The following OR51I2 variants were observed in gnomAD, a reference collection of about 807,000 sequenced individuals.
OR51I2 encodes the protein olfactory receptor family 51 subfamily I member 2, also known as olfactory receptor 51I2.
In OR51I2, 6 loss-of-function variants were observed where a neutral mutation model predicts 9.3. That is an observed-to-expected ratio of 0.64 (90% CI 0.35 to 1.27). The LOEUF is 1.27. Among genes scored for constraint, OR51I2 ranks in the 50% most tolerant of loss-of-function variants. OR51I2 has a pLI of 0.03. For missense variants in OR51I2, 489 were observed against 396.4 expected (o/e 1.23, Z -1.98); for synonymous variants, 179 against 143.1 (o/e 1.25, Z -1.79).
At position 5,455,140 on chromosome 11, in the gene OR51I2, T is replaced by C. The variant is rs1850930985; in HGVS notation, c.*713T>C. On this transcript the variant is annotated 3_prime_UTR_variant, in exon 2 of 2. Coordinates refer to ENST00000641930, the MANE Select transcript of OR51I2 (RefSeq NM_001004754.3). ...ATTTAGGAAAATCTCCAGATTCTTC[T>C]TTACTTCTTTTATCTGCCCACCACT... 2 of 152,200 alleles carry C rather than the reference T, an allele frequency of 1.3e-5. No individual in the cohort carries two copies. The allele number at this position is 152,200 out of a possible 1,614,324, so 9.4% of individuals were successfully genotyped here.
intron 1 of OR51I2, among the ~76,000 whole-genome samples, chr11:5,452,083 T>A (rs1850861263): frequency 6.6e-6 from 1 of 152,198 alleles, no homozygotes; most frequent in East Asian, 1.9e-4. Context: ...TCCCCAAGCA[T>A]GTAGATAGAA....
intron 1 of OR51I2, among the ~76,000 whole-genome samples, 198 bp downstream of exon 1, chr11:5,449,562 A>C (rs541698544): frequency 5.1e-4 from 78 of 152,334 alleles, no homozygotes; most frequent in Non-Finnish European, 9.0e-4. Context: ...TGGCACTGCC[A>C]TGTACTGATT....
intron 1 of OR51I2, among the ~76,000 whole-genome samples, 178 bp from the exon 2 acceptor site, chr11:5,453,081 C>T (rs1326934505): frequency 6.6e-6 from 1 of 152,170 alleles, no homozygotes; most frequent in African/African-American, 2.4e-5. Flanking sequence ...CCAAGTGCTA[C>T]TGATAACACA....
rs540609696 is a variant in OR51I2, at chr11:5,449,951, C to T, written c.-231+587C>T. Among the ~76,000 whole-genome samples, 10 of 152,324 alleles carry T rather than the reference C, an allele frequency of 6.6e-5. No individual in the cohort carries two copies. The South Asian group carries it at 2.1e-3, about 32-fold the overall frequency. ...AAACTGTGGTCTTTAGACAGCCTTTCTGTACATTCCTCCAGCCTCTACCTT... is the reference window on the plus strand; with the variant it reads ...AAACTGTGGTCTTTAGACAGCCTTTTTGTACATTCCTCCAGCCTCTACCTT... On this transcript the variant is annotated intron_variant, in intron 1 of 1. Coordinates refer to ENST00000641930, the MANE Select transcript of OR51I2 (RefSeq NM_001004754.3).
rs1850911759 is a variant in OR51I2 at position 5,454,168 on chromosome 11, C to A, written c.680C>A (p.Ala227Asp). 6.2e-7 allele frequency: 1 copy of A among 1,613,624 alleles called. No individual in the cohort carries two copies. The highest frequency in any genetic ancestry group is 1.7e-5 in the Admixed American group (1 of 59,916). The stretch of plus-strand genomic sequence containing the variant: ...GTGCTCATTCTGCGTTCTGTCATGG[C>A]CACTGCTTCCCGTGAGGAACGCCTC... ...SYVLILRSVM[A>D]TASREERLKA... The change falls in exon 2 of 2, where the codon GCC (alanine) becomes GAC (aspartate). Residue 227 changes from alanine (A) to aspartate (D), a missense_variant. Ala to Asp is a moderately radical substitution (Grantham distance 126). Transcript: ENST00000641930.
In OR51I2 at chr11:5,451,837, A is replaced by C. The variant is rs145054201; in HGVS notation, c.-230-1422A>C. 4.7e-3 allele frequency among the ~76,000 whole-genome samples: 719 copies of C among 152,304 alleles called. 7 individuals are homozygous for C. The highest frequency in any genetic ancestry group is 0.016 in the African/African-American group (685 of 41,574). On this transcript the variant is annotated intron_variant, in intron 1 of 1. Transcript: ENST00000641930. ...TTCTCTAAAATGAGGGTGACCTATTAGCTTGAAATGTCTGCTTAGTGAAAA... is the reference window on the plus strand; with the variant it reads ...TTCTCTAAAATGAGGGTGACCTATTCGCTTGAAATGTCTGCTTAGTGAAAA...
Position 5,453,375 on chromosome 11 carries a change from A to T in OR51I2, c.-114A>T. ...AATGCGTCAGTTTCCATTTATGTCA[A>T]CATCATCGCTTTGTCTCTTATCTCC... On this transcript the variant is annotated 5_prime_UTR_variant, in exon 2 of 2. Coordinates refer to ENST00000641930, the MANE Select transcript of OR51I2 (RefSeq NM_001004754.3). The T allele has an allele frequency of 1.5e-6, 1 of 672,096 alleles. No individual in the cohort carries two copies. The highest frequency in any genetic ancestry group is 3.3e-4 in the Middle Eastern group (1 of 3,022). 41.6% of individuals were successfully genotyped at this position (672,096 alleles called of 1,614,324 possible).
chr11:5,453,636 C>T lies in OR51I2; in HGVS notation c.148C>T (p.Arg50Ter), dbSNP rs145725236. The T allele has an allele frequency of 2.4e-5, 38 of 1,613,490 alleles. No individual in the cohort carries two copies. The East Asian group carries it at 4.9e-4, about 21-fold the overall frequency. ...GGNTVILQAV[R>*]VEPSLHEPMY... The stretch of plus-strand genomic sequence containing the variant: ...AAATACAGTGATCCTGCAGGCTGTG[C>T]GAGTGGAGCCCAGCCTCCATGAGCC... The change falls in exon 2 of 2, where the codon CGA becomes TGA. Residue 50 changes from arginine to a stop codon, truncating the protein, a stop_gained. Coordinates refer to ENST00000641930, the MANE Select transcript of OR51I2 (RefSeq NM_001004754.3). LOFTEE classifies it low-confidence loss of function (END_TRUNC).
In OR51I2 at chr11:5,455,828, T is replaced by A. The variant is rs1188212658; in HGVS notation, c.*1401T>A. 6.6e-6 allele frequency: 1 copy of A among 152,144 alleles called. No individual in the cohort carries two copies. The highest frequency in any genetic ancestry group is 1.5e-5 in the Non-Finnish European group (1 of 68,030). 9.4% of individuals were successfully genotyped at this position (152,144 alleles called of 1,614,324 possible). ...TTGGGATTCAGATTTTTTTCAAAAA[T>A]GTCTACAGGTACAATAAGACACCAA... is the stretch of plus-strand genomic sequence containing the variant. On this transcript the variant is annotated 3_prime_UTR_variant, in exon 2 of 2. Transcript: ENST00000641930.
chr11:5,451,835 T>C (rs748379247), intron 1 of OR51I2, among the ~76,000 whole-genome samples: 9 of 152,192 alleles, frequency 5.9e-5, no homozygotes, highest in Non-Finnish European at 1.2e-4. Context: ...GGGTGACCTA[T>C]TAGCTTGAAA....
intron 1 of OR51I2, among the ~76,000 whole-genome samples, chr11:5,449,600 C>T (rs1307559287): frequency 6.6e-6 from 1 of 152,130 alleles, no homozygotes; most frequent in Non-Finnish European, 1.5e-5. Flanking sequence ...TCATTGAGTC[C>T]TTACTTGCCA....
Position 5,453,303 on chromosome 11 carries a change from G to A in OR51I2, c.-186G>A, listed in dbSNP as rs943465660. On this transcript the variant is annotated 5_prime_UTR_variant, in exon 2 of 2. It removes an upstream start codon present in the reference 5' UTR. Transcript: ENST00000641930. Reference sequence around the variant, plus strand: ...CTGCAGGCTGATCATCATAAAATATGAAGAAAAGGAGTTTGCCTGCATCAT... The same window carrying A: ...CTGCAGGCTGATCATCATAAAATATAAAGAAAAGGAGTTTGCCTGCATCAT... 14 of 434,204 alleles carry A rather than the reference G, an allele frequency of 3.2e-5. No individual in the cohort carries two copies. Among genetic ancestry groups the A allele is most frequent in the Admixed American group, 7.9e-5 (2 of 25,468 alleles). 26.9% of individuals were successfully genotyped at this position (434,204 alleles called of 1,614,324 possible).
chr11:5,452,158 A>C (rs1485794782), intron 1 of OR51I2, among the ~76,000 whole-genome samples: 1 of 152,300 alleles, frequency 6.6e-6, no homozygotes, highest in Non-Finnish European at 1.5e-5. Context: ...TCCTGCATAT[A>C]TGTCAGTGCA....
chr11:5,451,575 T>C (rs1342537155), intron 1 of OR51I2, among the ~76,000 whole-genome samples: 3 of 152,214 alleles, frequency 2.0e-5, no homozygotes, highest in Non-Finnish European at 2.9e-5. Context: ...CTGGAAACCA[T>C]AGTACCTGTG....
intron 1 of OR51I2, among the ~76,000 whole-genome samples, chr11:5,452,458 T>C (rs1468824755): frequency 4.7e-5 from 6 of 128,730 alleles, no homozygotes; most frequent in African/African-American, 1.2e-4. Flanking sequence ...TGAGCCGAGA[T>C]TGCACCACTG....
chr11:5,452,863 A>G (rs2030090), intron 1 of OR51I2, among the ~76,000 whole-genome samples: 81,042 of 152,042 alleles, frequency 0.53, 22,466 homozygotes, highest in African/African-American at 0.68. Flanking sequence ...AAAATATGTT[A>G]TTTCTGTTGT....
Position 5,454,006 on chromosome 11 carries a change from T to C in OR51I2, c.518T>C (p.Val173Ala). 1.2e-6 allele frequency: 2 copies of C among 1,614,048 alleles called. No individual in the cohort carries two copies. Among genetic ancestry groups the C allele is most frequent in the Non-Finnish European group, 1.7e-6 (2 of 1,180,044 alleles). Reference protein sequence around the residue: ...IKRLPICRSNVLSHSYCLHPD... With the variant: ...IKRLPICRSNALSHSYCLHPD... Reference sequence around the variant, plus strand: ...AGGCTGCCTATCTGCAGATCCAATGTTCTTTCTCACTCCTACTGCCTGCAC... The same window carrying C: ...AGGCTGCCTATCTGCAGATCCAATGCTCTTTCTCACTCCTACTGCCTGCAC... Residue 173 changes from valine to alanine, a missense_variant, in exon 2 of 2, where the codon GTT becomes GCT. Transcript: ENST00000641930.
chr11:5,451,974 A>G (rs1850859903), intron 1 of OR51I2, among the ~76,000 whole-genome samples: 1 of 152,220 alleles, frequency 6.6e-6, no homozygotes, highest in Non-Finnish European at 1.5e-5. Context: ...GTAAGAAATA[A>G]TATGTGAATG....
rs902784615 is a variant in OR51I2 at position 5,453,354 on chromosome 11, C to T, written c.-135C>T. On this transcript the variant is annotated 5_prime_UTR_variant, in exon 2 of 2. Transcript: ENST00000641930. ...CTCAAAAGCAGTGATTTCATGAATG[C>T]GTCAGTTTCCATTTATGTCAACATC... 26 of 542,374 alleles carry T rather than the reference C, an allele frequency of 4.8e-5. No homozygotes were observed. The East Asian group carries it at 6.8e-4, about 14-fold the overall frequency. The allele number at this position is 542,374 out of a possible 1,614,324, so 33.6% of individuals were successfully genotyped here.
Sources: gnomAD v4.1 joint callset for allele counts (sites outside exome capture counted in the v4.1 genomes callset) on GRCh38, gnomAD v4.1.1 for gene constraint, MANE v1.5 for transcripts, NCBI Gene and HGNC (gene_info 2026-07-23, HGNC 2026-07-21) for gene names.